Variants in MTRR observed in about 807,000 individuals in gnomAD.
The protein encoded by MTRR is methionine synthase reductase.
A neutral mutation model predicts 79.2 loss-of-function variants in MTRR; 63 were observed. That is an observed-to-expected ratio of 0.80 (90% confidence interval 0.65 to 0.98). The LOEUF (loss-of-function observed/expected upper bound fraction) is 0.98. Ranked by LOEUF, MTRR falls within the 50% of genes least tolerant of loss-of-function variation. The pLI is 0.00. For synonymous variants in MTRR, 355 were observed against 313.3 expected, an observed-to-expected ratio of 1.13 and a Z score of -1.41; for missense variants, 895 against 839.6, an observed-to-expected ratio of 1.07 and a Z score of -0.82.
intron 1 of MTRR, among the ~76,000 whole-genome samples, chr5:7,853,043 G>A (rs561296697): frequency 3.9e-5 from 6 of 152,336 alleles, no homozygotes; most frequent in Admixed American, 2.6e-4. Flanking sequence ...AAGAGCTCTT[G>A]AGGGCAAGGC....
In MTRR at chr5:7,895,796, C is replaced by T. The variant is rs1168297510; in HGVS notation, c.1620C>T (p.Ile540=). The T allele has an allele frequency of 6.2e-7, 1 of 1,614,142 alleles. No homozygotes were observed. Among genetic ancestry groups the T allele is most frequent in the African/African-American group, 1.3e-5 (1 of 75,058 alleles). Reference sequence around the variant, plus strand: ...TACCAGATGACCCCTCAATCCCCATCATAATGGTGGGTCCAGGAACCGGCA... The same window carrying T: ...TACCAGATGACCCCTCAATCCCCATTATAATGGTGGGTCCAGGAACCGGCA... ...FHLPDDPSIP[I]IMVGPGTGIA... is the part of the protein sequence containing the mutation. The change falls in exon 12 of 15, where the codon ATC becomes ATT. Residue 540 remains isoleucine, a synonymous_variant. Transcript: ENST00000440940.
chr5:7,852,709 T>C (rs1397483796), intron 1 of MTRR, among the ~76,000 whole-genome samples: 1 of 151,296 alleles, frequency 6.6e-6, no homozygotes, highest in African/African-American at 2.4e-5. Flanking sequence ...TTTTTTGCTT[T>C]TTTGGCCTCA....
intron 8 of MTRR, among the ~76,000 whole-genome samples, chr5:7,887,278 G>A (rs974861327): frequency 6.7e-6 from 1 of 148,682 alleles, no homozygotes; most frequent in African/African-American, 2.4e-5. Flanking sequence ...TCCACTAGAT[G>A]TCAGTATTGT....
At chr5:7,867,736 T>G (rs1369291383), upstream of MTRR, 2 of 1,614,106 alleles carry the variant, frequency 1.2e-6, no homozygotes, top group African/African-American at 2.7e-5. Flanking sequence ...TTATAAAACT[T>G]AGCACTTCTT....
At chr5:7,863,092 C>T (rs1164663168) in intron 2 of MTRR, 5 of 1,063,908 alleles carry the variant, frequency 4.7e-6, no homozygotes, top group Non-Finnish European at 7.1e-6. Context: ...TTTGATATAA[C>T]ATTACTTTAT....
intron 6 of MTRR, 97 bp downstream of exon 6, chr5:7,883,374 C>G: frequency 6.6e-7 from 1 of 1,515,608 alleles, no homozygotes; most frequent in Non-Finnish European, 9.0e-7. Flanking sequence ...TGGTGTGCTG[C>G]TTGGTTACAT....
chr5:7,853,638 G>A lies in MTRR; in HGVS notation n.391+2053G>A, dbSNP rs1579512372. ...TCACTGCTGAAGGCAACTGGTGAAT[G>A]GTCATGAACCTTTCTGAGGGGCCTG... On this transcript the variant is annotated intron_variant and non_coding_transcript_variant, in intron 1 of 3. Coordinates refer to the MTRR transcript ENST00000502509. Among the ~76,000 whole-genome samples, 3 of 152,294 alleles carry A rather than the reference G, an allele frequency of 2.0e-5. No homozygotes were observed. In the East Asian group the frequency reaches 5.8e-4, roughly 29 times the overall value.
In MTRR at chr5:7,878,033, G is replaced by A. The variant is rs1265729929; in HGVS notation, c.491G>A (p.Ser164Asn). The A allele has an allele frequency of 1.2e-6, 2 of 1,613,764 alleles. No individual in the cohort carries two copies. Among genetic ancestry groups the A allele is most frequent in the African/African-American group, 1.3e-5 (1 of 74,844 alleles). Reference sequence around the variant, plus strand: ...TCAAGCAGAGGACAAGAGGAGATAAGTGGCGCACTCCCGGTGGCATCACCT... The same window carrying A: ...TCAAGCAGAGGACAAGAGGAGATAAATGGCGCACTCCCGGTGGCATCACCT... ...FRSSRGQEEI[S>N]GALPVASPAS... The change falls in exon 5 of 15, where the codon AGT becomes AAT. Residue 164 changes from serine (S) to asparagine (N), a missense_variant. By Grantham distance (46) the Ser-to-Asn change is conservative. Transcript: ENST00000440940.
At chr5:7,861,502 TCAC>T in intron 1 of MTRR, 1 of 1,035,846 alleles carries the variant, frequency 9.7e-7, no homozygotes, top group Non-Finnish European at 1.3e-6. Context: ...TCTATTTTTT[TCAC>T]CTTCTTGAGA....
At chr5:7,867,051 CA>C, upstream of MTRR, 1 of 1,614,116 alleles carries the variant, frequency 6.2e-7, no homozygotes, top group South Asian at 1.1e-5. Context: ...TCATGGTGCC[CA>C]AAATATATGA....
At chr5:7,883,831 TAA>T (rs1487970144) in intron 6 of MTRR, among the ~76,000 whole-genome samples, 1 of 152,118 alleles carries the variant, frequency 6.6e-6, no homozygotes. Context: ...ATTTTATATA[TAA>T]GAGGCCCAGG....
At chr5:7,893,039 T>C (rs1737895970) in intron 11 of MTRR, 126 bp downstream of exon 11, 2 of 1,148,014 alleles carry the variant, frequency 1.7e-6, no homozygotes, top group Admixed American at 4.2e-5. Flanking sequence ...TTCTTGAATT[T>C]TAAAATCTCT....
At chr5:7,861,422 T>C in intron 1 of MTRR, 1 of 609,348 alleles carries the variant, frequency 1.6e-6, no homozygotes, top group Admixed American at 3.7e-5. Context: ...ATATTAATGT[T>C]TATAAAATAT....
chr5:7,887,795 T>TGC (rs1736821355), intron 8 of MTRR, among the ~76,000 whole-genome samples: 2 of 17,092 alleles, frequency 1.2e-4, no homozygotes, highest in African/African-American at 3.9e-4. Flanking sequence ...TGTGTGTGCA[T>TGC]ATATATATAT....
At chr5:7,897,025 T>G (rs756243214) in intron 13 of MTRR, 40 bp from the exon 14 acceptor site, 1 of 1,613,088 alleles carries the variant, frequency 6.2e-7, no homozygotes, top group South Asian at 1.1e-5. Context: ...CTTTTTCAGC[T>G]TGACAACCTT....
At position 7,877,876 on chromosome 5, in the gene MTRR, A is replaced by G. The variant is rs138447573; in HGVS notation, c.402-68A>G. 2.5e-6 allele frequency: 4 copies of G among 1,596,968 alleles called. No homozygotes were observed. The East Asian group carries it at 8.9e-5, about 36-fold the overall frequency. ...TTTGCCAAATGGACAGACTGTCATT[A>G]TCCTGTTCTGTGTTCAGATGGAGAA... On this transcript the variant is annotated intron_variant, in intron 4 of 14. Coordinates refer to ENST00000440940, the MANE Select transcript of MTRR (RefSeq NM_002454.3).
chr5:7,890,553 A>G (rs1234507106), intron 9 of MTRR: 1 of 335,034 alleles, frequency 3.0e-6, no homozygotes, highest in Non-Finnish European at 4.2e-6. Context: ...TAAAAAAATT[A>G]AAGTCATTGG....
At chr5:7,869,442 T>A (rs1480554759) in intron 1 of MTRR, 1 of 565,108 alleles carries the variant, frequency 1.8e-6, no homozygotes, top group East Asian at 3.0e-5. Context: ...CGTCGGCCTC[T>A]GCCGCGGGAG....
In MTRR at chr5:7,878,274, T is replaced by A. The variant is rs755323074; in HGVS notation, c.732T>A (p.Gly244=). ...CACAAGCCTCTCTGAATATTCCTGG[T>A]TTACCCCCAGAATATTTACAGGTAC... ...PLSQASLNIP[G]LPPEYLQVHL... is the part of the protein sequence containing the mutation. The change falls in exon 5 of 15, where the codon GGT becomes GGA. Residue 244 remains glycine (G), a synonymous_variant. Transcript: ENST00000440940. The A allele has an allele frequency of 1.2e-6, 2 of 1,614,242 alleles. No individual in the cohort carries two copies. The highest frequency in any genetic ancestry group is 8.5e-7 in the Non-Finnish European group (1 of 1,180,044).
Sources: allele counts gnomAD v4.1 joint callset (sites outside exome capture counted in the v4.1 genomes callset), GRCh38; gene constraint gnomAD v4.1.1; transcripts MANE v1.5; gene names NCBI Gene and HGNC (gene_info 2026-07-23, HGNC 2026-07-21).